The following DMXL1 variants were observed in gnomAD, a reference collection of about 807,000 sequenced individuals.
DMXL1 encodes the protein Dmx like 1.
In DMXL1, 99 loss-of-function variants were observed where a neutral mutation model predicts 319.2. The observed-to-expected ratio is 0.31, with a 90% CI of 0.26 to 0.37. The LOEUF (loss-of-function observed/expected upper bound fraction) is 0.37, where lower values mean the gene tolerates loss of function less well. Ranked by LOEUF, DMXL1 falls within the 10% of genes least tolerant of loss-of-function variation. DMXL1 has a pLI of 1.00. For missense variants in DMXL1, 3,745 were observed against 3,595.6 expected (o/e 1.04, Z -1.06); for synonymous variants, 1,385 against 1,235.2 (o/e 1.12, Z -2.54).
At chr5:119,228,895 AG>A (rs1230922475) in intron 38 of DMXL1, among the ~76,000 whole-genome samples, 4 of 152,078 alleles carry the variant, frequency 2.6e-5, no homozygotes, top group African/African-American at 9.7e-5. Context: ...TTAATGTTGT[AG>A]GAAAAAAACC....
intron 19 of DMXL1, among the ~76,000 whole-genome samples, chr5:119,159,341 C>T (rs1771760948): frequency 6.6e-6 from 1 of 152,216 alleles, no homozygotes; most frequent in Admixed American, 6.5e-5. Flanking sequence ...AAGTAATCTG[C>T]CTGCCTTGGC....
intron 21 of DMXL1, among the ~76,000 whole-genome samples, chr5:119,165,802 G>A (rs1048937301): frequency 2.6e-5 from 4 of 152,184 alleles, no homozygotes; most frequent in Admixed American, 2.0e-4. Context: ...AGAATAGCAT[G>A]GAAAAGACTT....
rs1241473926 is a variant in DMXL1, at chr5:119,122,789, G to A, written c.1102+1650G>A. Among the ~76,000 whole-genome samples the A allele has an allele frequency of 4.0e-5, 6 of 151,308 alleles. 1 individual carries two copies. Among genetic ancestry groups the A allele is most frequent in the South Asian group, 2.1e-4 (1 of 4,770 alleles). On this transcript the variant is annotated intron_variant, in intron 9 of 43. Coordinates refer to ENST00000539542, the MANE Select transcript of DMXL1 (RefSeq NM_001290321.3). ...CTCCTCACTTACTAGATGGGATGGC[G>A]GCCGGGCAGAGATGCTCCTCACTTT...
chr5:119,139,745 G>A (rs905860333), intron 13 of DMXL1, among the ~76,000 whole-genome samples: 3 of 152,070 alleles, frequency 2.0e-5, no homozygotes, highest in East Asian at 3.9e-4. Flanking sequence ...GAGATATTCC[G>A]GACCTGAACT....
intron 1 of DMXL1, among the ~76,000 whole-genome samples, chr5:119,089,595 T>C (rs1249102141): frequency 2.0e-5 from 3 of 147,204 alleles, no homozygotes; most frequent in African/African-American, 7.5e-5. Context: ...AGCATCAGTC[T>C]TGTGCACAGC....
At chr5:119,147,038 A>G in intron 16 of DMXL1, 82 bp downstream of exon 16, 10 of 1,497,912 alleles carry the variant, frequency 6.7e-6, no homozygotes, top group Non-Finnish European at 9.1e-6. Flanking sequence ...TTTGGGACAT[A>G]TTTCTTAAAG....
rs1749485568 is a variant in DMXL1, at chr5:119,071,338, G to A, written c.-232G>A. The A allele has an allele frequency of 3.8e-6, 2 of 527,506 alleles. No individual in the cohort carries two copies. Among genetic ancestry groups the A allele is most frequent in the Admixed American group, 3.7e-5 (1 of 26,940 alleles). The allele number at this position is 527,506 out of a possible 1,614,324, so 32.7% of individuals were successfully genotyped here. On this transcript the variant is annotated 5_prime_UTR_variant, in exon 1 of 44. Transcript: ENST00000539542. ...GCGCGGGGAGTGACAGGTGCGCGAA[G>A]GAGCGCGGCGCTCCGCCCTCTCGCC... is the stretch of plus-strand genomic sequence containing the variant.
intron 13 of DMXL1, among the ~76,000 whole-genome samples, chr5:119,141,372 T>C (rs965379109): frequency 6.6e-6 from 1 of 152,134 alleles, no homozygotes; most frequent in Non-Finnish European, 1.5e-5. Flanking sequence ...GCCCAAAAGC[T>C]CCTAGATCTG....
intron 25 of DMXL1, among the ~76,000 whole-genome samples, chr5:119,174,012 A>T (rs1350901413): frequency 6.6e-6 from 1 of 151,774 alleles, no homozygotes; most frequent in South Asian, 2.1e-4. Flanking sequence ...TTTTAGTTCA[A>T]GTCTGAAGAC....
At chr5:119,109,460 C>A (rs1179616605) in intron 4 of DMXL1, among the ~76,000 whole-genome samples, 1 of 152,198 alleles carries the variant, frequency 6.6e-6, no homozygotes, top group African/African-American at 2.4e-5. Context: ...TCTTTTACTC[C>A]CAACTACCTA....
chr5:119,098,248 G>A, intron 2 of DMXL1, 144 bp downstream of exon 2: 1 of 807,136 alleles, frequency 1.2e-6, no homozygotes, highest in Non-Finnish European at 1.9e-6. Flanking sequence ...GGCTGTCTAA[G>A]ATGCATTCTA....
At chr5:119,152,137 C>T (rs1769939391) in intron 19 of DMXL1, 101 bp downstream of exon 19, 1 of 669,134 alleles carries the variant, frequency 1.5e-6, no homozygotes, top group South Asian at 2.2e-5. Flanking sequence ...ATAATGATGA[C>T]ATATTTAACA....
chr5:119,180,859 T>C (rs1291447202), intron 28 of DMXL1, among the ~76,000 whole-genome samples: 2 of 152,290 alleles, frequency 1.3e-5, no homozygotes, highest in African/African-American at 2.4e-5. Flanking sequence ...TGAGAAAAAT[T>C]CATTTGTTAA....
In DMXL1 at chr5:119,071,187, A is replaced by T; in HGVS notation, c.-383A>T. The T allele has an allele frequency of 4.1e-6, 1 of 246,314 alleles. No homozygotes were observed. The highest frequency in any genetic ancestry group is 8.0e-6 in the Non-Finnish European group (1 of 125,018). 15.3% of individuals were successfully genotyped at this position (246,314 alleles called of 1,614,324 possible). ...AGTGCGAGCGCGTACTGCTTGCGCC[A>T]CTCGGGCTGGGTCAGGAGCGGCTGC... On this transcript the variant is annotated 5_prime_UTR_variant, in exon 1 of 44. Transcript: ENST00000539542.
intron 1 of DMXL1, among the ~76,000 whole-genome samples, chr5:119,092,042 T>C (rs1754914786): frequency 6.6e-6 from 1 of 152,232 alleles, no homozygotes; most frequent in African/African-American, 2.4e-5. Context: ...AATCTCCCTT[T>C]TTCCAGTGTA....
At chr5:119,118,580 A>G (rs1761353599) in intron 7 of DMXL1, among the ~76,000 whole-genome samples, 1 of 152,172 alleles carries the variant, frequency 6.6e-6, no homozygotes, top group African/African-American at 2.4e-5. Flanking sequence ...GTGAGACCAC[A>G]TCTCTTAAAA....
chr5:119,238,848 T>G, intron 40 of DMXL1, 141 bp from the exon 41 acceptor site: 2 of 1,429,462 alleles, frequency 1.4e-6, no homozygotes, highest in Non-Finnish European at 1.8e-6. Flanking sequence ...TTTTACAATT[T>G]TTCTAAAGTT....
chr5:119,183,265 C>T (rs867813583), intron 28 of DMXL1, among the ~76,000 whole-genome samples: 49 of 152,176 alleles, frequency 3.2e-4, no homozygotes, highest in African/African-American at 9.2e-4. Context: ...GTGATTATCA[C>T]ATGTCATTGC....
intron 6 of DMXL1, among the ~76,000 whole-genome samples, chr5:119,115,233 C>G (rs552477737): frequency 1.3e-5 from 2 of 152,286 alleles, no homozygotes; most frequent in East Asian, 3.9e-4. Flanking sequence ...CAGTGCCTTT[C>G]ATGTAGTATA....
Sources: allele counts gnomAD v4.1 joint callset (sites outside exome capture counted in the v4.1 genomes callset), GRCh38; gene constraint gnomAD v4.1.1; transcripts MANE v1.5; gene names NCBI Gene and HGNC (gene_info 2026-07-23, HGNC 2026-07-21).